Variants in ST3GAL5 observed in about 807,000 individuals in gnomAD.
ST3GAL5 encodes the protein lactosylceramide alpha-2,3-sialyltransferase.
A neutral mutation model predicts 46.1 loss-of-function variants in ST3GAL5; 25 were observed. The ratio of observed to expected loss-of-function variants is 0.54; its 90% CI spans 0.40 to 0.76. The LOEUF (loss-of-function observed/expected upper bound fraction) is 0.76, where lower values mean the gene tolerates loss of function less well. ST3GAL5 is among the 30% of genes least tolerant of loss of function. The probability of loss-of-function intolerance (pLI) is 0.00; values close to 1 mark genes in which losing one functional copy is unlikely to be tolerated. For synonymous variants in ST3GAL5, 182 were observed against 192.7 expected (o/e 0.94, Z 0.46); for missense variants, 431 against 521.2 (o/e 0.83, Z 1.69).
chr2:85,844,264 C>T (rs1682488218), intron 6 of ST3GAL5, 132 bp downstream of exon 6: 2 of 1,148,272 alleles, frequency 1.7e-6, no homozygotes, highest in Admixed American at 1.9e-5. Context: ...GGTAAACACA[C>T]ATGGAGCATC....
At chr2:85,862,242 T>G (rs1296026979) in intron 2 of ST3GAL5, among the ~76,000 whole-genome samples, 2 of 151,890 alleles carry the variant, frequency 1.3e-5, no homozygotes, top group Non-Finnish European at 2.9e-5. Context: ...TGCTATCAAT[T>G]TGTGTAAAAG....
chr2:85,846,421 C>T lies in ST3GAL5; in HGVS notation c.805G>A (p.Val269Ile), dbSNP rs1309237149. The change falls in exon 5 of 7, where the codon GTT (valine) becomes ATT (isoleucine). Residue 269 changes from valine (V) to isoleucine (I), a missense_variant. Coordinates refer to ENST00000638572, the MANE Select transcript of ST3GAL5 (RefSeq NM_003896.4). Reference sequence around the variant, plus strand: ...ATTGCTTGAAGCCAGTTGAAATCAACACTCTTAAATAAAACAGCAACAAAT... The same window carrying T: ...ATTGCTTGAAGCCAGTTGAAATCAATACTCTTAAATAAAACAGCAACAAAT... Reference protein sequence around the residue: ...DLFVAVLFKSVDFNWLQAMVK... With the variant: ...DLFVAVLFKSIDFNWLQAMVK... The T allele has an allele frequency of 2.5e-6, 4 of 1,614,034 alleles. No individual in the cohort carries two copies. Among genetic ancestry groups the T allele is most frequent in the African/African-American group, 2.7e-5 (2 of 74,920 alleles).
At chr2:85,880,457 C>A (rs950003844) in intron 1 of ST3GAL5, among the ~76,000 whole-genome samples, 10 of 152,160 alleles carry the variant, frequency 6.6e-5, no homozygotes, top group Non-Finnish European at 4.4e-5. Context: ...ATTATACAAC[C>A]CATTTTTGAT....
At chr2:85,881,617 TAG>T (rs1327960127) in intron 1 of ST3GAL5, among the ~76,000 whole-genome samples, 1 of 152,180 alleles carries the variant, frequency 6.6e-6, no homozygotes, top group African/African-American at 2.4e-5. Context: ...GCCCCTGCCG[TAG>T]AAATGTGTGG....
chr2:85,852,532 T>C (rs1683630149), intron 3 of ST3GAL5, among the ~76,000 whole-genome samples: 1 of 151,542 alleles, frequency 6.6e-6, no homozygotes, highest in South Asian at 2.1e-4. Flanking sequence ...GAAATAACAC[T>C]ACACTATAAA....
intron 1 of ST3GAL5, among the ~76,000 whole-genome samples, chr2:85,882,859 C>G (rs1292673273): frequency 7.1e-6 from 1 of 141,784 alleles, no homozygotes; most frequent in Non-Finnish European, 1.6e-5. Context: ...ATTGACTGCT[C>G]CACTGGATTT....
chr2:85,847,188 A>G (rs1197696511), intron 4 of ST3GAL5, among the ~76,000 whole-genome samples: 1 of 152,124 alleles, frequency 6.6e-6, no homozygotes, highest in Non-Finnish European at 1.5e-5. Flanking sequence ...TGTGCCTTCC[A>G]TGTCCCAGCC....
chr2:85,865,371 T>TCTG (rs1427343359), intron 1 of ST3GAL5, among the ~76,000 whole-genome samples: 1 of 152,046 alleles, frequency 6.6e-6, no homozygotes, highest in Non-Finnish European at 1.5e-5. Context: ...GTTTTTTTTT[T>TCTG]CTGCTACTGT....
chr2:85,861,316 T>G, intron 2 of ST3GAL5, 24 bp from the exon 3 acceptor site: 2 of 1,413,022 alleles, frequency 1.4e-6, no homozygotes, highest in Non-Finnish European at 2.0e-6. Context: ...AATTAGGTAT[T>G]ATGATGTAGT....
chr2:85,870,221 A>C (rs1206736079), intron 1 of ST3GAL5: 1 of 470,928 alleles, frequency 2.1e-6, no homozygotes, highest in Non-Finnish European at 4.4e-6. Context: ...CCATGCAAGC[A>C]GGGGTCTCTG....
intron 6 of ST3GAL5, among the ~76,000 whole-genome samples, chr2:85,843,995 G>A (rs997526339): frequency 1.3e-5 from 2 of 152,074 alleles, no homozygotes; most frequent in Non-Finnish European, 2.9e-5. Flanking sequence ...GGCCCACAGA[G>A]TGAAAATGTA....
At chr2:85,861,116 ATAT>A (rs1684678749) in intron 3 of ST3GAL5, 62 bp downstream of exon 3, 1 of 1,072,380 alleles carries the variant, frequency 9.3e-7, no homozygotes, top group African/African-American at 1.5e-5. Context: ...TAGACTAATG[ATAT>A]TATAGTTTGA....
Position 85,844,531 on chromosome 2 carries a change from A to G in ST3GAL5, c.873T>C (p.Phe291=). 1 of 1,614,160 alleles carries G rather than the reference A, an allele frequency of 6.2e-7. No homozygotes were observed. ...GGATTTTTTCTGCCACCTGCTTCCAAAAGAAGAGTCGTACCCAGAATGGCT... is the reference window on the plus strand; with the variant it reads ...GGATTTTTTCTGCCACCTGCTTCCAGAAGAAGAGTCGTACCCAGAATGGCT... ...ETLPFWVRLF[F]WKQVAEKIPL... The change falls in exon 6 of 7, where the codon TTT becomes TTC. Residue 291 remains phenylalanine, a synonymous_variant. Transcript: ENST00000638572.
rs769128099 is a variant in ST3GAL5, at chr2:85,847,831, TAAAC to T, written c.662+26_662+29del. ...ATAAAATAAAAACAATAAAAATAAG[TAAAC>T]AAACAAACAAAAAAAACCAATGTAC... On this transcript the variant is annotated intron_variant, in intron 4 of 6. Coordinates refer to ENST00000638572, the MANE Select transcript of ST3GAL5 (RefSeq NM_003896.4). 5.5e-5 allele frequency: 88 copies of T among 1,611,106 alleles called. 1 individual carries two copies. In the East Asian group the frequency reaches 7.4e-4, roughly 13 times the overall value.
intron 1 of ST3GAL5, among the ~76,000 whole-genome samples, chr2:85,872,695 C>T (rs552430787): frequency 2.0e-5 from 3 of 152,264 alleles, no homozygotes; most frequent in South Asian, 2.1e-4. Context: ...CTGTGCAGAA[C>T]AAATGAACTG....
intron 3 of ST3GAL5, among the ~76,000 whole-genome samples, chr2:85,860,338 T>C (rs958995933): frequency 1.3e-5 from 2 of 152,170 alleles, no homozygotes; most frequent in African/African-American, 2.4e-5. Flanking sequence ...GGAGATAATA[T>C]ATATAAAGCA....
intron 1 of ST3GAL5, among the ~76,000 whole-genome samples, chr2:85,882,717 C>T (rs914589289): frequency 6.6e-6 from 1 of 151,868 alleles, no homozygotes; most frequent in East Asian, 1.9e-4. Flanking sequence ...CCTGTAATCC[C>T]AGCTACTTGG....
intron 6 of ST3GAL5, among the ~76,000 whole-genome samples, chr2:85,843,071 G>A (rs147709363): frequency 6.6e-6 from 1 of 152,008 alleles, no homozygotes; most frequent in Non-Finnish European, 1.5e-5. Context: ...TGTTTTGTAT[G>A]TTTATTTTCT....
At chr2:85,887,793 GAGGGCAGCTAAACA>G (rs1183066688) in intron 1 of ST3GAL5, 1 of 152,322 alleles carries the variant, frequency 6.6e-6, no homozygotes, top group Admixed American at 6.5e-5. Flanking sequence ...AAGCCCGGGG[GAGGGCAGCTAAACA>G]CCAGAGGGCA....
Sources: allele counts gnomAD v4.1 joint callset (sites outside exome capture counted in the v4.1 genomes callset), GRCh38; gene constraint gnomAD v4.1.1; transcripts MANE v1.5; gene names NCBI Gene and HGNC (gene_info 2026-07-23, HGNC 2026-07-21).